Variants in ZNF670 observed in about 807,000 individuals in gnomAD.
ZNF670 encodes zinc finger protein 670.
Under a neutral mutation model 10.9 loss-of-function variants are expected in ZNF670, and 7 were observed. The ratio of observed to expected loss-of-function variants is 0.64; its 90% CI spans 0.36 to 1.20. The LOEUF is 1.20. Among genes scored for constraint, ZNF670 ranks in the 50% most tolerant of loss-of-function variants. The probability of loss-of-function intolerance (pLI) is 0.02; values close to 1 mark genes in which losing one functional copy is unlikely to be tolerated. For synonymous variants in ZNF670, 136 were observed against 152.7 expected, an observed-to-expected ratio of 0.89 and a Z score of 0.81; for missense variants, 446 against 458.6, an observed-to-expected ratio of 0.97 and a Z score of 0.25.
In ZNF670 at chr1:247,078,609, G is replaced by C. The variant is rs746588215; in HGVS notation, c.-13C>G. 6.2e-7 allele frequency: 1 copy of C among 1,613,724 alleles called. No individual in the cohort carries two copies. Among genetic ancestry groups the C allele is most frequent in the East Asian group, 2.2e-5 (1 of 44,816 alleles). Reference sequence around the variant, plus strand: ...GCACACTCACCATTTCCCAGTCTCCGGTGTCTGGGGTCCTCCCTAAGGACC... The same window carrying C: ...GCACACTCACCATTTCCCAGTCTCCCGTGTCTGGGGTCCTCCCTAAGGACC... On this transcript the variant is annotated 5_prime_UTR_variant, in exon 1 of 4. Transcript: ENST00000366503.
intron 1 of ZNF670, among the ~76,000 whole-genome samples, chr1:247,077,852 G>A (rs965461545): frequency 1.3e-5 from 2 of 152,144 alleles, no homozygotes; most frequent in African/African-American, 2.4e-5. Context: ...GAGGTGGGGG[G>A]ATCGCTTGAG....
At chr1:247,064,701 C>T (rs1486510548) in intron 1 of ZNF670, among the ~76,000 whole-genome samples, 3 of 152,204 alleles carry the variant, frequency 2.0e-5, no homozygotes, top group Non-Finnish European at 2.9e-5. Context: ...GTGGAACATG[C>T]GGGAGCCAGA....
intron 1 of ZNF670, among the ~76,000 whole-genome samples, chr1:247,055,625 T>C (rs1424007956): frequency 6.6e-6 from 1 of 152,206 alleles, no homozygotes; most frequent in Non-Finnish European, 1.5e-5. Flanking sequence ...TACATTGTGG[T>C]GCATTGGTGA....
chr1:247,065,340 T>C (rs1245874228), intron 1 of ZNF670, among the ~76,000 whole-genome samples: 2 of 152,212 alleles, frequency 1.3e-5, no homozygotes, highest in East Asian at 3.8e-4. Flanking sequence ...CAGACTCTGC[T>C]GAAATGCAGC....
chr1:247,048,155 T>G (rs1192013789), intron 1 of ZNF670, among the ~76,000 whole-genome samples: 2 of 152,122 alleles, frequency 1.3e-5, no homozygotes, highest in African/African-American at 2.4e-5. Context: ...CAGACCACCT[T>G]TTTTTGAATG....
chr1:247,042,944 G>A, intron 1 of ZNF670: 1 of 692,532 alleles, frequency 1.4e-6, no homozygotes, highest in Non-Finnish European at 2.7e-6. Context: ...ATTGAAAGAT[G>A]ACATTACATT....
intron 1 of ZNF670, among the ~76,000 whole-genome samples, chr1:247,052,285 C>T (rs983048039): frequency 6.6e-6 from 1 of 152,130 alleles, no homozygotes; most frequent in African/African-American, 2.4e-5. Context: ...CAGGGTGATG[C>T]CTTGATGTGG....
intron 1 of ZNF670, among the ~76,000 whole-genome samples, chr1:247,058,154 A>T (rs1225648731): frequency 2.0e-5 from 3 of 152,228 alleles, no homozygotes; most frequent in Non-Finnish European, 4.4e-5. Flanking sequence ...CTAAAACAAA[A>T]TAAAACTAGT....
rs1368794284 is a variant in ZNF670, at chr1:247,035,637, T to C, written c.*1812A>G. The stretch of plus-strand genomic sequence containing the variant: ...TTCATAGTAACTTACAAAACTGTAC[T>C]ATACCACATATTATATAGCTACTTA... On this transcript the variant is annotated 3_prime_UTR_variant, in exon 4 of 4. Transcript: ENST00000366503. Among the ~76,000 whole-genome samples, 2 of 152,220 alleles carry C rather than the reference T, an allele frequency of 1.3e-5. 1 individual carries two copies. Among genetic ancestry groups the C allele is most frequent in the Non-Finnish European group, 2.9e-5 (2 of 68,034 alleles).
chr1:247,052,433 G>A (rs914401818), intron 1 of ZNF670, among the ~76,000 whole-genome samples: 1 of 152,154 alleles, frequency 6.6e-6, no homozygotes, highest in African/African-American at 2.4e-5. Context: ...AGAGTCCTGT[G>A]ATGTGATCTC....
intron 1 of ZNF670, among the ~76,000 whole-genome samples, chr1:247,053,919 AC>A (rs1670656882): frequency 6.6e-6 from 1 of 152,242 alleles, no homozygotes. Context: ...ACTTCTTATC[AC>A]TGAAAAAGGC....
intron 1 of ZNF670, among the ~76,000 whole-genome samples, chr1:247,041,077 T>A (rs944731272): frequency 7.9e-5 from 12 of 152,180 alleles, no homozygotes; most frequent in African/African-American, 2.9e-4. Context: ...AAACATACAG[T>A]AGAGCAAATT....
intron 1 of ZNF670, among the ~76,000 whole-genome samples, chr1:247,058,455 T>A (rs1670771718): frequency 6.6e-6 from 1 of 152,028 alleles, no homozygotes. Context: ...AACCTTCCAT[T>A]TTAAGAAACT....
rs779962880 is a variant in ZNF670 at position 247,035,853 on chromosome 1, G to A, written c.*1596C>T. Among the ~76,000 whole-genome samples the A allele has an allele frequency of 6.6e-5, 10 of 152,190 alleles. 1 individual carries two copies. The highest frequency in any genetic ancestry group is 1.3e-4 in the Admixed American group (2 of 15,278). ...GGGAACGGAAGTGCTTTGGATTTCA[G>A]ACTTTTAACATTTTGGAATATTTGC... On this transcript the variant is annotated 3_prime_UTR_variant, in exon 4 of 4. Coordinates refer to ENST00000366503, the MANE Select transcript of ZNF670 (RefSeq NM_033213.5).
intron 1 of ZNF670, among the ~76,000 whole-genome samples, chr1:247,047,624 T>C (rs560489159): frequency 1.2e-4 from 19 of 152,356 alleles, no homozygotes; most frequent in Non-Finnish European, 2.2e-4. Context: ...AGGTTCTCCA[T>C]GTGGGCTAGG....
rs201049023 is a variant in ZNF670, at chr1:247,051,794, T to TG, written c.4-12258_4-12257insC. Among the ~76,000 whole-genome samples, 43 of 150,946 alleles carry TG rather than the reference T, an allele frequency of 2.8e-4. 1 individual carries two copies. The highest frequency in any genetic ancestry group is 4.7e-4 in the Non-Finnish European group (32 of 67,842). Reference sequence around the variant, plus strand: ...TTGTTCTTTTTTCATTTTTTTTTTTTTTTTGTTTTGTTGCATCGGGTTAAT... The same window carrying TG: ...TTGTTCTTTTTTCATTTTTTTTTTTTGTTTTGTTTTGTTGCATCGGGTTAAT... On this transcript the variant is annotated intron_variant, in intron 1 of 3. Transcript: ENST00000366503.
At chr1:247,047,744 C>A (rs1452161047) in intron 1 of ZNF670, among the ~76,000 whole-genome samples, 1 of 152,180 alleles carries the variant, frequency 6.6e-6, no homozygotes, top group East Asian at 1.9e-4. Flanking sequence ...CCCACAGGCC[C>A]AACACCAAGT....
chr1:247,043,669 G>A (rs145503802), intron 1 of ZNF670: 283 of 511,008 alleles, frequency 5.5e-4, no homozygotes, highest in African/African-American at 4.9e-3. Context: ...TTATGCTCCA[G>A]GACTGTTTCC....
At chr1:247,074,428 C>G (rs768065197) in intron 1 of ZNF670, among the ~76,000 whole-genome samples, 40 of 151,916 alleles carry the variant, frequency 2.6e-4, no homozygotes, top group Non-Finnish European at 5.1e-4. Context: ...TTGCTCCTTC[C>G]TATGAAAGAA....
Sources: gnomAD v4.1 joint callset for allele counts (sites outside exome capture counted in the v4.1 genomes callset) on GRCh38, gnomAD v4.1.1 for gene constraint, MANE v1.5 for transcripts, NCBI Gene and HGNC (gene_info 2026-07-23, HGNC 2026-07-21) for gene names.